WWOX: variants seen among roughly 807,000 people sequenced by gnomAD.
WWOX encodes WW domain containing oxidoreductase.
Under a neutral mutation model 46.2 loss-of-function variants are expected in WWOX, and 69 were observed. The observed-to-expected ratio is 1.49, with a 90% CI of 1.23 to 1.82. The LOEUF is 1.82. Among genes scored for constraint, WWOX ranks in the 40% most tolerant of loss-of-function variants. WWOX has a pLI of 0.00. For missense variants in WWOX, 919 were observed against 542.6 expected, an observed-to-expected ratio of 1.69 and a Z score of -6.89; for synonymous variants, 359 against 202.6, an observed-to-expected ratio of 1.77 and a Z score of -6.56.
chr16:79,003,330 C>T (rs1319818899), intron 8 of WWOX, among the ~76,000 whole-genome samples: 1 of 152,180 alleles, frequency 6.6e-6, no homozygotes, highest in Non-Finnish European at 1.5e-5. Flanking sequence ...CGTGATCTAA[C>T]ATTTGCTGAG....
chr16:78,211,555 C>CCTG lies in WWOX; in HGVS notation c.516+47286_516+47288dup, dbSNP rs753430190. 4.4e-3 allele frequency among the ~76,000 whole-genome samples: 675 copies of CCTG among 151,842 alleles called. 18 individuals are homozygous for CCTG. The East Asian group carries it at 0.09, about 20-fold the overall frequency. On this transcript the variant is annotated intron_variant, in intron 5 of 8. Transcript: ENST00000566780. Reference sequence around the variant, plus strand: ...GCAGACCTTGGCAGTTGCTGTTGCTCCTGCTGCTGCTGCTGCTGCTGCATT... The same window carrying CCTG: ...GCAGACCTTGGCAGTTGCTGTTGCTCCTGCTGCTGCTGCTGCTGCTGCTGCATT...
intron 8 of WWOX, among the ~76,000 whole-genome samples, chr16:78,678,830 C>T (rs1195958966): frequency 6.6e-6 from 1 of 152,106 alleles, no homozygotes; most frequent in Non-Finnish European, 1.5e-5. Context: ...CTTCTCAGAG[C>T]AGCTCCATAA....
At chr16:78,543,264 C>T (rs193129491) in intron 8 of WWOX, among the ~76,000 whole-genome samples, 27 of 152,300 alleles carry the variant, frequency 1.8e-4, no homozygotes, top group African/African-American at 5.1e-4. Context: ...TGTCACGAGT[C>T]GTTTCCTCTT....
intron 8 of WWOX, among the ~76,000 whole-genome samples, chr16:78,764,200 C>T (rs915465706): frequency 3.9e-5 from 6 of 152,036 alleles, no homozygotes; most frequent in African/African-American, 1.4e-4. Flanking sequence ...CTCAGTCTTC[C>T]GGCTCTACCC....
chr16:78,386,459 G>T (rs969129579), intron 5 of WWOX, among the ~76,000 whole-genome samples: 6 of 152,140 alleles, frequency 3.9e-5, no homozygotes, highest in Admixed American at 3.9e-4. Context: ...AACCTGGATG[G>T]CAGCTTTTGA....
At chr16:78,719,150 G>T (rs1170025826) in intron 8 of WWOX, among the ~76,000 whole-genome samples, 1 of 152,156 alleles carries the variant, frequency 6.6e-6, no homozygotes, top group Non-Finnish European at 1.5e-5. Context: ...GTGATTGTGG[G>T]TGATCTCTTT....
intron 4 of WWOX, among the ~76,000 whole-genome samples, chr16:78,120,726 A>G (rs565197984): frequency 2.6e-5 from 4 of 152,210 alleles, no homozygotes; most frequent in Non-Finnish European, 5.9e-5. Flanking sequence ...TGTGAACTGT[A>G]GTTGCCATAC....
chr16:78,380,320 C>T (rs1212703281), intron 5 of WWOX, among the ~76,000 whole-genome samples: 1 of 152,172 alleles, frequency 6.6e-6, no homozygotes, highest in East Asian at 1.9e-4. Context: ...CATGGCTTTG[C>T]AGTTATTATC....
intron 8 of WWOX, among the ~76,000 whole-genome samples, chr16:78,863,175 C>G (rs971477497): frequency 3.9e-5 from 6 of 152,096 alleles, no homozygotes; most frequent in Non-Finnish European, 7.4e-5. Context: ...CCAGACTGGT[C>G]TCAAACTCCT....
intron 8 of WWOX, chr16:79,205,239 GT>G (rs2051470672): frequency 6.6e-6 from 1 of 152,174 alleles, no homozygotes; most frequent in Admixed American, 6.6e-5. Context: ...TGCATTTATG[GT>G]GATGGACTGG....
At position 78,278,789 on chromosome 16, in the gene WWOX, T is replaced by A. The variant is rs933609479; in HGVS notation, c.517-108071T>A. 2.2e-5 allele frequency: 18 copies of A among 815,640 alleles called. No homozygotes were observed. In the African/African-American group the frequency reaches 3.0e-4, roughly 13 times the overall value. The allele number at this position is 815,640 out of a possible 1,614,324, so 50.5% of individuals were successfully genotyped here. A position where few individuals can be genotyped will look rare whatever the true frequency, so the allele number is the denominator to read the frequency against. ...CAGACATGTACGATTTGCAACAACA[T>A]CTATTATATGATTTAATTTATACCT... is the stretch of plus-strand genomic sequence containing the variant. On this transcript the variant is annotated intron_variant, in intron 5 of 8. Transcript: ENST00000566780.
At chr16:79,034,494 A>G (rs180878380) in intron 8 of WWOX, among the ~76,000 whole-genome samples, 66 of 152,334 alleles carry the variant, frequency 4.3e-4, no homozygotes, top group African/African-American at 1.5e-3. Context: ...CTGTTAAGAC[A>G]TGCTACTGTC....
chr16:79,204,437 A>T (rs1417432941), intron 8 of WWOX: 1 of 152,174 alleles, frequency 6.6e-6, no homozygotes, highest in Non-Finnish European at 1.5e-5. Context: ...TAACCCCAGC[A>T]AAGCATGTCT....
intron 8 of WWOX, among the ~76,000 whole-genome samples, chr16:78,857,481 A>G (rs534433935): frequency 3.9e-5 from 6 of 152,218 alleles, no homozygotes; most frequent in African/African-American, 1.4e-4. Context: ...ATTCCTGATA[A>G]ATTGCTTAAG....
At chr16:78,545,387 A>C (rs570648789) in intron 8 of WWOX, among the ~76,000 whole-genome samples, 17 of 152,306 alleles carry the variant, frequency 1.1e-4, no homozygotes, top group South Asian at 4.1e-4. Context: ...TTTTAAAAAA[A>C]AAATTCTTTT....
At position 78,325,463 on chromosome 16, in the gene WWOX, C is replaced by G. The variant is rs145102611; in HGVS notation, c.517-61397C>G. Among the ~76,000 whole-genome samples the G allele has an allele frequency of 3.3e-3, 500 of 152,216 alleles. 3 individuals carry two copies. Among genetic ancestry groups the G allele is most frequent in the African/African-American group, 0.011 (441 of 41,528 alleles). ...GGTGATAGTCCATTAGTGTCTCTGTCTCTTCAGGAAAGAAAAGAAGTGAAT... is the reference window on the plus strand; with the variant it reads ...GGTGATAGTCCATTAGTGTCTCTGTGTCTTCAGGAAAGAAAAGAAGTGAAT... On this transcript the variant is annotated intron_variant, in intron 5 of 8. Transcript: ENST00000566780.
At chr16:78,437,615 G>A (rs2083362578) in intron 8 of WWOX, among the ~76,000 whole-genome samples, 1 of 152,138 alleles carries the variant, frequency 6.6e-6, no homozygotes, top group Admixed American at 6.5e-5. Flanking sequence ...GTGTATTGGG[G>A]CGTCCTGGGA....
intron 8 of WWOX, among the ~76,000 whole-genome samples, chr16:78,846,357 C>T (rs1422706205): frequency 2.0e-5 from 3 of 152,280 alleles, no homozygotes; most frequent in South Asian, 2.1e-4. Context: ...CCTTCTTTTA[C>T]AACCAGATAC....
chr16:78,356,805 C>G (rs534071912), intron 5 of WWOX, among the ~76,000 whole-genome samples: 2 of 152,112 alleles, frequency 1.3e-5, no homozygotes, highest in Admixed American at 1.3e-4. Context: ...TTTCTTGAAC[C>G]TGGGAGGTGG....
Sources: gnomAD v4.1 joint callset for allele counts (sites outside exome capture counted in the v4.1 genomes callset) on GRCh38, gnomAD v4.1.1 for gene constraint, MANE v1.5 for transcripts, NCBI Gene and HGNC (gene_info 2026-07-23, HGNC 2026-07-21) for gene names.